The following UBQLN1 variants were observed in gnomAD, a reference collection of about 807,000 sequenced individuals.
UBQLN1 encodes the protein ubiquilin 1, also known as ubiquilin-1.
In UBQLN1, 13 loss-of-function variants were observed where a neutral mutation model predicts 65.4. That is an observed-to-expected ratio of 0.20 (90% CI 0.13 to 0.32). The LOEUF is 0.32. Among genes scored for constraint, UBQLN1 ranks in the 10% least tolerant of loss-of-function variants. UBQLN1 has a pLI of 1.00. For synonymous variants in UBQLN1, 267 were observed against 247.8 expected, an observed-to-expected ratio of 1.08 and a Z score of -0.73; for missense variants, 561 against 724.0, an observed-to-expected ratio of 0.77 and a Z score of 2.58.
Position 83,707,620 on chromosome 9 carries a change from G to T in UBQLN1, c.60C>A (p.Ala20=). 3 of 1,583,830 alleles carry T rather than the reference G, an allele frequency of 1.9e-6. No homozygotes were observed. The highest frequency in any genetic ancestry group is 1.7e-6 in the Non-Finnish European group (2 of 1,165,564). ...PPGSQDSAAG[A]EGAGAPAAAA... Reference sequence around the variant, plus strand: ...CGGCCGCGGGGGCGCCAGCACCTTCGGCTCCGGCGGCGCTATCCTGGGAGC... The same window carrying T: ...CGGCCGCGGGGGCGCCAGCACCTTCTGCTCCGGCGGCGCTATCCTGGGAGC... The change falls in exon 1 of 11, where the codon GCC becomes GCA. Residue 20 remains alanine (A), a synonymous_variant. Coordinates refer to ENST00000376395, the MANE Select transcript of UBQLN1 (RefSeq NM_013438.5).
At chr9:83,704,359 T>C (rs757484993) in intron 1 of UBQLN1, among the ~76,000 whole-genome samples, 13 of 152,242 alleles carry the variant, frequency 8.5e-5, no homozygotes, top group Non-Finnish European at 1.6e-4. Context: ...TTTTCCTGTA[T>C]CTGTTTCCCT....
chr9:83,665,182 T>C lies in UBQLN1; in HGVS notation c.1333-37A>G. Reference sequence around the variant, plus strand: ...AGAAAACTAGTGGTTACAAAGGAATTAAAATCAGTGAACGTAAATTTTTAA... The same window carrying C: ...AGAAAACTAGTGGTTACAAAGGAATCAAAATCAGTGAACGTAAATTTTTAA... On this transcript the variant is annotated intron_variant, in intron 8 of 10. Transcript: ENST00000376395. 9 of 1,464,324 alleles carry C rather than the reference T, an allele frequency of 6.1e-6. No individual in the cohort carries two copies. In the Middle Eastern group the frequency reaches 1.6e-3, roughly 258 times the overall value. The allele number at this position is 1,464,324 out of a possible 1,614,324, so 90.7% of individuals were successfully genotyped here.
chr9:83,683,777 C>A (rs761242402), intron 2 of UBQLN1, among the ~76,000 whole-genome samples: 1 of 152,148 alleles, frequency 6.6e-6, no homozygotes, highest in Non-Finnish European at 1.5e-5. Flanking sequence ...AATCCCAGCA[C>A]TTTGCGAGGC....
At chr9:83,662,508 T>C (rs1000570104) in intron 10 of UBQLN1, among the ~76,000 whole-genome samples, 2 of 152,144 alleles carry the variant, frequency 1.3e-5, no homozygotes, top group African/African-American at 4.8e-5. Context: ...AATTCTGACA[T>C]TTCAGCAGCA....
chr9:83,694,330 AAG>A (rs1305670676), intron 1 of UBQLN1, among the ~76,000 whole-genome samples: 1 of 152,142 alleles, frequency 6.6e-6, no homozygotes, highest in Non-Finnish European at 1.5e-5. Context: ...GAGATCCTTC[AAG>A]AGTCTATTTT....
rs180965294 is a variant in UBQLN1 at position 83,678,639 on chromosome 9, T to A, written c.712-40A>T. The A allele has an allele frequency of 3.8e-6, 6 of 1,569,700 alleles. No homozygotes were observed. The African/African-American group carries it at 6.9e-5, about 18-fold the overall frequency. Reference sequence around the variant, plus strand: ...TCCAAAAAAAGAAAAAAAAAAGGCATTGAAATACACATGAATTACATTAAT... The same window carrying A: ...TCCAAAAAAAGAAAAAAAAAAGGCAATGAAATACACATGAATTACATTAAT... On this transcript the variant is annotated intron_variant, in intron 4 of 10. Transcript: ENST00000376395.
chr9:83,691,303 T>G (rs1464740440), intron 1 of UBQLN1, among the ~76,000 whole-genome samples: 1 of 151,878 alleles, frequency 6.6e-6, no homozygotes, highest in African/African-American at 2.4e-5. Flanking sequence ...GACATGAAAA[T>G]GACAACAGAG....
chr9:83,664,035 G>C lies in UBQLN1; in HGVS notation c.1457C>G (p.Pro486Arg), dbSNP rs1193678377. 3 of 1,612,658 alleles carry C rather than the reference G, an allele frequency of 1.9e-6. No individual in the cohort carries two copies. In the African/African-American group the frequency reaches 4.0e-5, roughly 22 times the overall value. Residue 486 changes from proline (P) to arginine (R), a missense_variant, in exon 10 of 11, where the codon CCT becomes CGT. Physicochemically the swap from Pro to Arg is moderately radical, Grantham distance 103 (BLOSUM62 -2). This residue lies in a region of UBQLN1 where 102 missense variants were observed against 150.7 expected (regional missense o/e 0.68). Coordinates refer to ENST00000376395, the MANE Select transcript of UBQLN1 (RefSeq NM_013438.5). ...EAPGLIPGFT[P>R]GLGALGSTGG... ...AGTGCTTCCTAATGCCCCCAAGCCA[G>C]GAGTAAACCTACAGAAAGCACAAAT...
chr9:83,676,892 C>T (rs920824334), intron 6 of UBQLN1, among the ~76,000 whole-genome samples: 3 of 152,258 alleles, frequency 2.0e-5, no homozygotes, highest in Admixed American at 1.3e-4. Context: ...ACAAAACATC[C>T]GCATGTAGTA....
intron 1 of UBQLN1, 55 bp from the exon 2 acceptor site, chr9:83,686,210 T>A: frequency 8.1e-7 from 1 of 1,238,110 alleles, no homozygotes; most frequent in Non-Finnish European, 1.1e-6. Context: ...CACCATACAG[T>A]CTAGTTTCTA....
chr9:83,698,346 G>C (rs1397234783), intron 1 of UBQLN1, among the ~76,000 whole-genome samples: 1 of 152,164 alleles, frequency 6.6e-6, no homozygotes, highest in Non-Finnish European at 1.5e-5. Flanking sequence ...GCTACATATG[G>C]CTATTAAGCA....
intron 1 of UBQLN1, among the ~76,000 whole-genome samples, chr9:83,694,012 C>G (rs1055176310): frequency 1.3e-5 from 2 of 152,202 alleles, no homozygotes; most frequent in Non-Finnish European, 2.9e-5. Context: ...AGGATAAACT[C>G]TCAACTGTAA....
rs751686466 is a variant in UBQLN1 at position 83,679,728 on chromosome 9, A to G, written c.711+47T>C. The G allele has an allele frequency of 1.7e-5, 27 of 1,583,064 alleles. No individual in the cohort carries two copies. The South Asian group carries it at 2.9e-4, about 17-fold the overall frequency. ...ATTAACCACAGAAAATTAAATAACAAATATATCATTTTTTAGCTAAACGAA... is the reference window on the plus strand; with the variant it reads ...ATTAACCACAGAAAATTAAATAACAGATATATCATTTTTTAGCTAAACGAA... On this transcript the variant is annotated intron_variant, in intron 4 of 10. Transcript: ENST00000376395.
intron 6 of UBQLN1, among the ~76,000 whole-genome samples, chr9:83,675,753 A>G (rs1003031474): frequency 2.0e-5 from 3 of 152,212 alleles, no homozygotes; most frequent in Admixed American, 6.5e-5. Context: ...TTTTGGAATG[A>G]GTACGTATTT....
chr9:83,678,204 G>A (rs1831874758), intron 5 of UBQLN1, among the ~76,000 whole-genome samples: 1 of 151,910 alleles, frequency 6.6e-6, no homozygotes, highest in Admixed American at 6.6e-5. Flanking sequence ...TGTATTTTTA[G>A]TAGAGACGGG....
chr9:83,672,097 T>C (rs1379748613), intron 6 of UBQLN1, among the ~76,000 whole-genome samples: 1 of 152,216 alleles, frequency 6.6e-6, no homozygotes, highest in Admixed American at 6.5e-5. Flanking sequence ...GCAGATTCCT[T>C]ACCTCTCAGC....
At chr9:83,687,286 A>G (rs989395772) in intron 1 of UBQLN1, among the ~76,000 whole-genome samples, 2 of 152,242 alleles carry the variant, frequency 1.3e-5, no homozygotes, top group Non-Finnish European at 2.9e-5. Context: ...AGACAAGAGA[A>G]AAGAGCATCA....
chr9:83,677,772 A>AAGTGCCACTGGCAGTACTACCAGT lies in UBQLN1; in HGVS notation c.1036_1059dup (p.Thr346_Thr353dup), dbSNP rs766745958. On this transcript the variant is annotated inframe_insertion, in exon 6 of 11. Coordinates refer to ENST00000376395, the MANE Select transcript of UBQLN1 (RefSeq NM_013438.5). The stretch of plus-strand genomic sequence containing the variant: ...TTTGGCGCAGTAGTACTCTGCCCAG[A>AAGTGCCACTGGCAGTACTACCAGT]AGTGCCACTGGCAGTACTACCAGTA... 49 of 1,614,094 alleles carry AAGTGCCACTGGCAGTACTACCAGT rather than the reference A, an allele frequency of 3.0e-5. No individual in the cohort carries two copies. The South Asian group carries it at 5.2e-4, about 17-fold the overall frequency.
chr9:83,707,890 C>T lies in UBQLN1; in HGVS notation c.-211G>A, dbSNP rs1832447415. On this transcript the variant is annotated 5_prime_UTR_variant, in exon 1 of 11. Coordinates refer to ENST00000376395, the MANE Select transcript of UBQLN1 (RefSeq NM_013438.5). The stretch of plus-strand genomic sequence containing the variant: ...GCGCAGGCCCGGGTCAGGCGCTCGG[C>T]AGCCGCCGTGTGTTCAGGCGCCGCT... 3.2e-6 allele frequency: 2 copies of T among 632,630 alleles called. No individual in the cohort carries two copies. Among genetic ancestry groups the T allele is most frequent in the Non-Finnish European group, 5.0e-6 (2 of 402,464 alleles). 39.2% of individuals were successfully genotyped at this position (632,630 alleles called of 1,614,324 possible).
Sources: gnomAD v4.1 joint callset for allele counts (sites outside exome capture counted in the v4.1 genomes callset) on GRCh38, gnomAD v4.1.1 for gene constraint, gnomAD v4.1.1 regional missense constraint, MANE v1.5 for transcripts, NCBI Gene and HGNC (gene_info 2026-07-23, HGNC 2026-07-21) for gene names.